AMD1: variants seen among roughly 807,000 people sequenced by gnomAD.
AMD1 encodes S-adenosylmethionine decarboxylase proenzyme.
In AMD1, 11 loss-of-function variants were observed where a neutral mutation model predicts 40.2. The observed-to-expected ratio is 0.27, with a 90% CI of 0.17 to 0.45. The LOEUF (loss-of-function observed/expected upper bound fraction) is 0.45, where lower values mean the gene tolerates loss of function less well. Among genes scored for constraint, AMD1 ranks in the 20% least tolerant of loss-of-function variants. The probability of loss-of-function intolerance (pLI) is 1.00; values close to 1 mark genes in which losing one functional copy is unlikely to be tolerated. For synonymous variants in AMD1, 121 were observed against 130.8 expected, an observed-to-expected ratio of 0.93 and a Z score of 0.51; for missense variants, 257 against 410.2, an observed-to-expected ratio of 0.63 and a Z score of 3.23.
chr6:110,874,949 TA>T lies in AMD1; in HGVS notation c.-150del, dbSNP rs1356821137. The T allele has an allele frequency of 1.0e-5, 6 of 598,196 alleles. No homozygotes were observed. In the East Asian group the frequency reaches 1.1e-4, roughly 11 times the overall value. The allele number at this position is 598,196 out of a possible 1,614,324, so 37.1% of individuals were successfully genotyped here. On this transcript the variant is annotated 5_prime_UTR_variant, in exon 1 of 9. Transcript: ENST00000368885. ...GGGAAAATTTTATTAGTCCTTTTTT[TA>T]AAAAAAGTTAATATAAAATTATAGC...
chr6:110,888,660 C>G, intron 2 of AMD1, 197 bp from the exon 3 acceptor site: 1 of 413,388 alleles, frequency 2.4e-6, no homozygotes, highest in East Asian at 4.1e-5. Context: ...GAATGTTTAT[C>G]AAAATGCTTA....
Position 110,893,491 on chromosome 6 carries a change from A to G in AMD1, c.880A>G (p.Thr294Ala). Residue 294 changes from threonine (T) to alanine (A), a missense_variant, in exon 9 of 9, where the codon ACA (threonine) becomes GCA (alanine). Transcript: ENST00000368885. Reference sequence around the variant, plus strand: ...TTTCCCCCAGAGTTCTAAATGTCGCACAGTGCTTGCTTCGCCCCAGAAGAT... The same window carrying G: ...TTTCCCCCAGAGTTCTAAATGTCGCGCAGTGCTTGCTTCGCCCCAGAAGAT... Reference protein sequence around the residue: ...LFVNQSSKCRTVLASPQKIEG... With the variant: ...LFVNQSSKCRAVLASPQKIEG... The G allele has an allele frequency of 1.2e-6, 2 of 1,613,992 alleles. No homozygotes were observed. Among genetic ancestry groups the G allele is most frequent in the Non-Finnish European group, 8.5e-7 (1 of 1,179,854 alleles).
the AMD1 span, among the ~76,000 whole-genome samples, chr6:110,855,724 A>G: frequency 6.6e-6 from 1 of 152,162 alleles, no homozygotes; most frequent in African/African-American, 2.4e-5. Flanking sequence ...TGGACTTTTA[A>G]AAACTGTTCC....
At chr6:110,831,829 T>C in the AMD1 span, among the ~76,000 whole-genome samples, 1 of 152,120 alleles carries the variant, frequency 6.6e-6, no homozygotes, top group Non-Finnish European at 1.5e-5. Context: ...CTGTTTTATA[T>C]GCAATTCTTT....
chr6:110,839,899 G>A, the AMD1 span, among the ~76,000 whole-genome samples: 22,087 of 151,944 alleles, frequency 0.15, 1,796 homozygotes, highest in East Asian at 0.32. Flanking sequence ...TGGGAAATGA[G>A]GTTTTTCAGT....
chr6:110,887,459 GTGGGTACT>G (rs1172792145), intron 1 of AMD1, 38 bp from the exon 2 acceptor site: 6 of 1,362,144 alleles, frequency 4.4e-6, no homozygotes. Context: ...TTATGAGTAG[GTGGGTACT>G]ATTGTGGATT....
At chr6:110,819,071 A>G in the AMD1 span, among the ~76,000 whole-genome samples, 1 of 152,082 alleles carries the variant, frequency 6.6e-6, no homozygotes, top group African/African-American at 2.4e-5. Flanking sequence ...AAAAACAACG[A>G]TCTGGGCCGG....
chr6:110,850,769 T>A, the AMD1 span, among the ~76,000 whole-genome samples: 2 of 152,130 alleles, frequency 1.3e-5, no homozygotes, highest in South Asian at 4.1e-4. Flanking sequence ...CAGCTGGAGG[T>A]AGCTCTAAGT....
At chr6:110,832,116 C>T in the AMD1 span, among the ~76,000 whole-genome samples, 1 of 150,972 alleles carries the variant, frequency 6.6e-6, no homozygotes, top group Non-Finnish European at 1.5e-5. Context: ...CAGGTTCAAG[C>T]GATTCTTCTG....
chr6:110,838,154 C>T, the AMD1 span, among the ~76,000 whole-genome samples: 7 of 149,946 alleles, frequency 4.7e-5, no homozygotes, highest in Non-Finnish European at 8.9e-5. Flanking sequence ...TTTGGGAGGC[C>T]GAGGCGGGTG....
At chr6:110,852,891 C>T in the AMD1 span, among the ~76,000 whole-genome samples, 2 of 151,374 alleles carry the variant, frequency 1.3e-5, no homozygotes, top group Non-Finnish European at 2.9e-5. Flanking sequence ...TTCTGGGGTG[C>T]GGAAGGAACT....
chr6:110,862,784 T>G, the AMD1 span, among the ~76,000 whole-genome samples: 1 of 151,976 alleles, frequency 6.6e-6, no homozygotes, highest in Non-Finnish European at 1.5e-5. Context: ...TACTTTGATT[T>G]ATCTTTCTCT....
chr6:110,825,456 TCTG>T, the AMD1 span, among the ~76,000 whole-genome samples: 1 of 152,198 alleles, frequency 6.6e-6, no homozygotes, highest in African/African-American at 2.4e-5. Context: ...TTAAACCACC[TCTG>T]CTTTCTTTTT....
chr6:110,876,953 C>T (rs561361331), intron 1 of AMD1, among the ~76,000 whole-genome samples: 1 of 152,244 alleles, frequency 6.6e-6, no homozygotes, highest in Admixed American at 6.5e-5. Context: ...TTTTGTTCTC[C>T]CCAAGTTCTT....
At chr6:110,876,233 T>C (rs1785104853) in intron 1 of AMD1, among the ~76,000 whole-genome samples, 1 of 152,258 alleles carries the variant, frequency 6.6e-6, no homozygotes, top group South Asian at 2.1e-4. Context: ...TAGGCCTTGT[T>C]CCTGGCGGCG....
chr6:110,816,204 G>A, the AMD1 span, among the ~76,000 whole-genome samples: 1 of 152,218 alleles, frequency 6.6e-6, no homozygotes, highest in Non-Finnish European at 1.5e-5. Flanking sequence ...AGCATATGCG[G>A]TTCCCATAAC....
intron 4 of AMD1, 37 bp from the exon 5 acceptor site, chr6:110,892,124 T>C: frequency 6.2e-7 from 1 of 1,603,616 alleles, no homozygotes; most frequent in Non-Finnish European, 8.5e-7. Flanking sequence ...ATTAAATGGA[T>C]GTGTTATATT....
the AMD1 span, among the ~76,000 whole-genome samples, chr6:110,831,147 T>C: frequency 6.6e-6 from 1 of 152,062 alleles, no homozygotes; most frequent in Admixed American, 6.6e-5. Flanking sequence ...TTTTTTGAAA[T>C]GTATTTTTAT....
At chr6:110,833,180 TTTCA>T in the AMD1 span, among the ~76,000 whole-genome samples, 1 of 152,230 alleles carries the variant, frequency 6.6e-6, no homozygotes, top group Non-Finnish European at 1.5e-5. Flanking sequence ...GCTATGTCTA[TTTCA>T]TTCACCAAGA....
Sources: gnomAD v4.1 joint callset for allele counts (sites outside exome capture counted in the v4.1 genomes callset) on GRCh38, gnomAD v4.1.1 for gene constraint, MANE v1.5 for transcripts, NCBI Gene and HGNC (gene_info 2026-07-23, HGNC 2026-07-21) for gene names.